ADGRL2: variants seen among roughly 807,000 people sequenced by gnomAD.
ADGRL2 encodes the protein calcium-independent alpha-latrotoxin receptor 2.
A neutral mutation model predicts 157.4 loss-of-function variants in ADGRL2; 44 were observed. The observed-to-expected ratio is 0.28, with a 90% confidence interval of 0.22 to 0.36. ADGRL2 has a LOEUF of 0.36. Ranked by LOEUF, ADGRL2 falls within the 10% of genes least tolerant of loss-of-function variation. The pLI, the probability that ADGRL2 is intolerant of heterozygous loss-of-function variation, is 1.00. For synonymous variants in ADGRL2, 585 were observed against 624.7 expected (o/e 0.94, Z 0.95); for missense variants, 1,510 against 1,768.9 (o/e 0.85, Z 2.63).
At chr1:81,896,213 T>G (rs955592541) in intron 2 of ADGRL2, among the ~76,000 whole-genome samples, 6 of 152,210 alleles carry the variant, frequency 3.9e-5, no homozygotes, top group Non-Finnish European at 8.8e-5. Context: ...ACAGAGTTAC[T>G]TAAGAATTTT....
chr1:81,982,522 G>C (rs1466778388), intron 19 of ADGRL2, among the ~76,000 whole-genome samples: 2 of 151,928 alleles, frequency 1.3e-5, no homozygotes, highest in East Asian at 3.9e-4. Context: ...TTAATCTGTA[G>C]CAAGAAGATG....
intron 2 of ADGRL2, among the ~76,000 whole-genome samples, chr1:81,881,276 C>T (rs1258733357): frequency 1.3e-5 from 2 of 152,126 alleles, no homozygotes; most frequent in African/African-American, 2.4e-5. Context: ...CCCGGGCTCA[C>T]GCCATTCTCC....
At chr1:81,831,665 A>C (rs1020734438) in intron 1 of ADGRL2, among the ~76,000 whole-genome samples, 5 of 152,242 alleles carry the variant, frequency 3.3e-5, no homozygotes, top group Non-Finnish European at 7.3e-5. Flanking sequence ...GAGTAAGCAC[A>C]CTGTTATCTA....
chr1:81,617,863 T>G (rs1293727456), intron 3 of ADGRL2, among the ~76,000 whole-genome samples: 1 of 152,160 alleles, frequency 6.6e-6, no homozygotes, highest in Non-Finnish European at 1.5e-5. Context: ...GGAACTAAAA[T>G]GAACAACAAC....
intron 3 of ADGRL2, among the ~76,000 whole-genome samples, chr1:81,606,781 CGTGT>C (rs905144505): frequency 1.8e-5 from 2 of 113,034 alleles, no homozygotes; most frequent in African/African-American, 2.7e-5. Context: ...TGTGCGCACG[CGTGT>C]GTGTGTGTTT....
At chr1:81,962,462 AG>A (rs1655737446) in intron 11 of ADGRL2, among the ~76,000 whole-genome samples, 1 of 152,158 alleles carries the variant, frequency 6.6e-6, no homozygotes, top group African/African-American at 2.4e-5. Flanking sequence ...TCTTTTTAAA[AG>A]GAATCTGTTG....
At chr1:81,700,443 G>C (rs2083540484) in intron 1 of ADGRL2, among the ~76,000 whole-genome samples, 1 of 152,136 alleles carries the variant, frequency 6.6e-6, no homozygotes, top group South Asian at 2.1e-4. Context: ...CCCTGATTTT[G>C]AATTATAAGA....
At chr1:81,776,487 A>G (rs904950303) in intron 2 of ADGRL2, among the ~76,000 whole-genome samples, 1 of 152,180 alleles carries the variant, frequency 6.6e-6, no homozygotes, top group East Asian at 1.9e-4. Context: ...ACGCCTGGCC[A>G]GTAAGATTTT....
upstream of ADGRL2, among the ~76,000 whole-genome samples, chr1:81,797,257 T>A (rs1397876104): frequency 2.0e-5 from 3 of 152,174 alleles, no homozygotes; most frequent in Admixed American, 1.3e-4. Flanking sequence ...TTCCACGTGT[T>A]TTTTGTTTCT....
chr1:81,524,054 A>T (rs1477183875), intron 2 of ADGRL2, among the ~76,000 whole-genome samples: 1 of 150,270 alleles, frequency 6.7e-6, no homozygotes, highest in African/African-American at 2.5e-5. Flanking sequence ...ACGGTGCAAG[A>T]TTTCATCTCA....
At chr1:81,877,801 A>C (rs145674661) in intron 2 of ADGRL2, among the ~76,000 whole-genome samples, 1 of 152,222 alleles carries the variant, frequency 6.6e-6, no homozygotes, top group Non-Finnish European at 1.5e-5. Flanking sequence ...GGTTATATGG[A>C]TACCTTACCT....
chr1:81,606,827 C>G (rs1279833234), intron 3 of ADGRL2, among the ~76,000 whole-genome samples: 9 of 151,524 alleles, frequency 5.9e-5, no homozygotes, highest in Non-Finnish European at 1.2e-4. Context: ...TTTGTTTATT[C>G]ATTTGTGGCT....
At chr1:81,502,985 C>G in intron 2 of ADGRL2, 3 of 1,613,432 alleles carry the variant, frequency 1.9e-6, no homozygotes, top group Non-Finnish European at 2.5e-6. Flanking sequence ...GTGGCTGTGC[C>G]AAATCGTCTG....
chr1:81,765,730 T>C (rs2086094941), intron 2 of ADGRL2, among the ~76,000 whole-genome samples: 2 of 152,026 alleles, frequency 1.3e-5, no homozygotes, highest in African/African-American at 4.8e-5. Flanking sequence ...TATATACACG[T>C]CAATGAACAA....
At chr1:81,366,497 A>T (rs1194844802) in intron 1 of ADGRL2, among the ~76,000 whole-genome samples, 2 of 152,122 alleles carry the variant, frequency 1.3e-5, no homozygotes. Context: ...GTTTCTATCT[A>T]GTTTTCTAGC....
At chr1:81,841,989 T>G (rs746321592) in intron 2 of ADGRL2, among the ~76,000 whole-genome samples, 150 of 152,210 alleles carry the variant, frequency 9.9e-4, no homozygotes, top group Non-Finnish European at 1.6e-3. Context: ...TTGGAAGTGA[T>G]GATACGGCAG....
chr1:81,606,491 GCACATGCA>G (rs1220413124), intron 3 of ADGRL2, among the ~76,000 whole-genome samples: 1 of 80,442 alleles, frequency 1.2e-5, no homozygotes, highest in African/African-American at 5.8e-5. Flanking sequence ...ACAGGTTCAT[GCACATGCA>G]CACACACACA....
chr1:81,515,756 T>C (rs2079164051), intron 2 of ADGRL2, among the ~76,000 whole-genome samples: 1 of 152,226 alleles, frequency 6.6e-6, no homozygotes, highest in Non-Finnish European at 1.5e-5. Flanking sequence ...TTGTATTTTA[T>C]ACATAAACAT....
intron 2 of ADGRL2, among the ~76,000 whole-genome samples, chr1:81,575,782 G>T (rs1352910228): frequency 6.6e-6 from 1 of 152,026 alleles, no homozygotes; most frequent in Admixed American, 6.6e-5. Context: ...GCCAAATTCT[G>T]CAGTATAAAA....
Sources: allele counts gnomAD v4.1 joint callset (sites outside exome capture counted in the v4.1 genomes callset), GRCh38; gene constraint gnomAD v4.1.1; transcripts MANE v1.5; gene names NCBI Gene and HGNC (gene_info 2026-07-23, HGNC 2026-07-21).